Variants in ETFB observed in about 807,000 individuals in gnomAD.
ETFB encodes the protein electron transfer flavoprotein subunit beta.
ETFB carries 20 observed loss-of-function variants against 25.6 expected under a neutral mutation model. That is an observed-to-expected ratio of 0.78 (90% CI 0.55 to 1.14). ETFB has a LOEUF of 1.14. Ranked by LOEUF, ETFB falls within the 50% of genes most tolerant of loss-of-function variation. The pLI is 0.00. For synonymous variants in ETFB, 142 were observed against 146.7 expected (o/e 0.97, Z 0.23); for missense variants, 286 against 342.6 (o/e 0.83, Z 1.30).
chr19:51,358,301 G>A (rs558662649), intron 1 of ETFB, among the ~76,000 whole-genome samples: 2 of 152,152 alleles, frequency 1.3e-5, no homozygotes, highest in Non-Finnish European at 2.9e-5. Flanking sequence ...GACAGAATCC[G>A]AGATGAGAAG....
At chr19:51,362,948 C>A (rs574965614) in intron 1 of ETFB, among the ~76,000 whole-genome samples, 3 of 152,196 alleles carry the variant, frequency 2.0e-5, no homozygotes, top group Non-Finnish European at 4.4e-5. Context: ...TGGGGACAAG[C>A]TGGGCTCTCA....
At chr19:51,350,057 G>A in intron 4 of ETFB, 2 of 437,226 alleles carry the variant, frequency 4.6e-6, no homozygotes, top group Non-Finnish European at 8.6e-6. Context: ...GCCCCAGCCT[G>A]CATTTCTATT....
intron 5 of ETFB, 164 bp from the exon 6 acceptor site, chr19:51,345,545 G>C (rs1372626553): frequency 1.7e-4 from 118 of 707,440 alleles, no homozygotes; most frequent in Non-Finnish European, 5.2e-5. Context: ...GCCACACCTG[G>C]TGTGGACAAC....
chr19:51,353,663 T>C (rs62114164), intron 2 of ETFB, among the ~76,000 whole-genome samples: 666 of 2,224 alleles, frequency 0.3, 2 homozygotes, highest in African/African-American at 0.41. Flanking sequence ...CCCCTCCTTC[T>C]TCAGACCCAG....
Position 51,360,333 on chromosome 19 carries a change from T to C in ETFB, c.57+5937A>G, listed in dbSNP as rs537711437. ...AGGAGAATCACTTGAACCCGGGAGG[T>C]GGAGGTTGCAGTGAGCAGGGATCAC... On this transcript the variant is annotated intron_variant, in intron 1 of 5. Transcript: ENST00000309244. Among the ~76,000 whole-genome samples the C allele has an allele frequency of 2.8e-5, 4 of 144,286 alleles. No individual in the cohort carries two copies. In the South Asian group the frequency reaches 6.6e-4, roughly 24 times the overall value. 94.7% of individuals were successfully genotyped at this position (144,286 alleles called of 152,430 possible).
At chr19:51,356,343 G>A (rs1176184600) in intron 1 of ETFB, 1 of 152,152 alleles carries the variant, frequency 6.6e-6, no homozygotes, top group African/African-American at 2.4e-5. Context: ...CCACTGCAGT[G>A]TAAGGGTCAG....
intron 4 of ETFB, 111 bp from the exon 5 acceptor site, chr19:51,347,169 G>C (rs1164327316): frequency 1.8e-6 from 2 of 1,116,242 alleles, no homozygotes; most frequent in South Asian, 2.6e-5. Context: ...ATGAATGAGG[G>C]AGCGAACAAT....
chr19:51,349,035 G>A (rs2123577484), intron 4 of ETFB, among the ~76,000 whole-genome samples: 1 of 152,308 alleles, frequency 6.6e-6, no homozygotes, highest in South Asian at 2.1e-4. Context: ...CATACTGCCA[G>A]TGTCCGTACA....
At chr19:51,362,587 A>C (rs1986259545) in intron 1 of ETFB, among the ~76,000 whole-genome samples, 1 of 152,178 alleles carries the variant, frequency 6.6e-6, no homozygotes. Flanking sequence ...AAAATAAAAC[A>C]AAACAAACCA....
intron 5 of ETFB, 99 bp downstream of exon 5, chr19:51,346,801 T>G: frequency 8.0e-7 from 1 of 1,249,846 alleles, no homozygotes; most frequent in Non-Finnish European, 1.1e-6. Flanking sequence ...GAGACCTCCT[T>G]TGGATCCTTC....
chr19:51,362,586 CA>C (rs1986259613), intron 1 of ETFB, among the ~76,000 whole-genome samples: 1 of 152,036 alleles, frequency 6.6e-6, no homozygotes, highest in Admixed American at 6.6e-5. Context: ...AAAAATAAAA[CA>C]AAACAAACCA....
chr19:51,355,888 A>G (rs1213557723), intron 1 of ETFB: 1 of 144,408 alleles, frequency 6.9e-6, no homozygotes, highest in African/African-American at 2.6e-5. Context: ...TGGGAATTGA[A>G]CAATGAGAAC....
At chr19:51,358,831 CAAAAAAAA>C (rs112821668) in intron 1 of ETFB, among the ~76,000 whole-genome samples, 1 of 134,136 alleles carries the variant, frequency 7.5e-6, no homozygotes, top group Admixed American at 8.0e-5. Flanking sequence ...CAAACAACAA[CAAAAAAAA>C]AAAAAAAAAA....
intron 3 of ETFB, among the ~76,000 whole-genome samples, chr19:51,350,625 C>T (rs1026620226): frequency 3.9e-5 from 6 of 152,160 alleles, no homozygotes; most frequent in African/African-American, 1.2e-4. Flanking sequence ...GCTGGGATTA[C>T]AGGCACCCAA....
At chr19:51,354,485 G>A (rs1248355978) in intron 1 of ETFB, 177 bp from the exon 2 acceptor site, 2 of 1,613,992 alleles carry the variant, frequency 1.2e-6, no homozygotes, top group African/African-American at 2.7e-5. Context: ...GTAGGCAGGG[G>A]CAGGTCACCC....
intron 1 of ETFB, among the ~76,000 whole-genome samples, chr19:51,363,148 A>G (rs1986271948): frequency 6.6e-6 from 1 of 152,152 alleles, no homozygotes; most frequent in Non-Finnish European, 1.5e-5. Flanking sequence ...CAAGCAGGGA[A>G]GTCCTCCCAG....
chr19:51,364,110 T>G (rs1599848074), intron 1 of ETFB, among the ~76,000 whole-genome samples: 2 of 149,688 alleles, frequency 1.3e-5, no homozygotes, highest in African/African-American at 2.5e-5. Context: ...TGGGTAGAGG[T>G]GGGCTGAGAG....
intron 1 of ETFB, among the ~76,000 whole-genome samples, chr19:51,358,484 G>A (rs542018645): frequency 1.3e-5 from 2 of 151,862 alleles, no homozygotes; most frequent in African/African-American, 4.8e-5. Flanking sequence ...CTGGGCAACA[G>A]GTTCTACAAA....
chr19:51,349,587 A>C (rs1045337930), intron 4 of ETFB, among the ~76,000 whole-genome samples: 30 of 152,006 alleles, frequency 2.0e-4, no homozygotes, highest in African/African-American at 7.2e-4. Context: ...CTGGTACTAC[A>C]GGCATGTGCC....
Sources: gnomAD v4.1 joint callset for allele counts (sites outside exome capture counted in the v4.1 genomes callset) on GRCh38, gnomAD v4.1.1 for gene constraint, MANE v1.5 for transcripts, NCBI Gene and HGNC (gene_info 2026-07-23, HGNC 2026-07-21) for gene names.